The following PRELID2 variants were observed in gnomAD, a reference collection of about 807,000 sequenced individuals.
The protein encoded by PRELID2 is PRELI domain containing 2.
In PRELID2, 25 loss-of-function variants were observed where a neutral mutation model predicts 28.4. The observed-to-expected ratio is 0.88, with a 90% CI of 0.64 to 1.23. The LOEUF (loss-of-function observed/expected upper bound fraction) is 1.23. Ranked by LOEUF, PRELID2 falls within the 50% of genes most tolerant of loss-of-function variation. PRELID2 has a pLI of 0.00. For synonymous variants in PRELID2, 76 were observed against 71.6 expected (o/e 1.06, Z -0.31); for missense variants, 201 against 214.4 (o/e 0.94, Z 0.39).
chr5:145,548,328 G>C (rs183345483), intron 1 of PRELID2, among the ~76,000 whole-genome samples: 81 of 152,180 alleles, frequency 5.3e-4, no homozygotes, highest in Admixed American at 2.3e-3. Flanking sequence ...AGTCTAGATT[G>C]GTTAGCTGCC....
At chr5:145,518,084 T>C (rs927659229) in intron 1 of PRELID2, among the ~76,000 whole-genome samples, 2 of 151,556 alleles carry the variant, frequency 1.3e-5, no homozygotes, top group Non-Finnish European at 2.9e-5. Flanking sequence ...GGCACATGTA[T>C]CCCTATGTAA....
chr5:145,542,767 TTCTTTCTTTCTTTCTTTCTG>T (rs1447880753), intron 1 of PRELID2, among the ~76,000 whole-genome samples: 2 of 145,542 alleles, frequency 1.4e-5, no homozygotes, highest in African/African-American at 5.4e-5. Context: ...CTTTCTTTCT[TTCTTTCTTTCTTTCTTTCTG>T]TCTTTTTCTC....
intron 1 of PRELID2, among the ~76,000 whole-genome samples, chr5:145,626,181 G>A (rs1378564908): frequency 1.3e-5 from 2 of 151,948 alleles, no homozygotes; most frequent in African/African-American, 4.8e-5. Flanking sequence ...TAGACAAATG[G>A]GACTTAATTA....
chr5:145,244,699 A>T, the PRELID2 span, among the ~76,000 whole-genome samples: 1 of 152,140 alleles, frequency 6.6e-6, no homozygotes, highest in Non-Finnish European at 1.5e-5. Flanking sequence ...ATGAATTTAG[A>T]TAATATATTT....
chr5:145,470,392 T>C (rs1176010441), downstream of PRELID2, among the ~76,000 whole-genome samples: 2 of 152,154 alleles, frequency 1.3e-5, no homozygotes, highest in African/African-American at 4.8e-5. Context: ...GACAAATATC[T>C]TCAGGCCCAT....
chr5:145,727,335 C>T lies in PRELID2; in HGVS notation n.70+37596G>A, dbSNP rs536404761. On this transcript the variant is annotated intron_variant and non_coding_transcript_variant, in intron 1 of 2. Transcript: ENST00000510259. ...TATGCCCTGGGCTTAGATTATGGTG[C>T]GTCAGGGTAGCCTTCCACCCTTTAG... is the stretch of plus-strand genomic sequence containing the variant. Among the ~76,000 whole-genome samples, 7 of 152,236 alleles carry T rather than the reference C, an allele frequency of 4.6e-5. No individual in the cohort carries two copies. The South Asian group carries it at 6.2e-4, about 14-fold the overall frequency.
chr5:145,740,122 A>G (rs1265847051), intron 1 of PRELID2, among the ~76,000 whole-genome samples: 1 of 150,174 alleles, frequency 6.7e-6, no homozygotes, highest in African/African-American at 2.4e-5. Context: ...AGGCAGGTTG[A>G]AAGTAAAAAG....
Position 145,487,270 on chromosome 5 carries a change from G to A in PRELID2, n.71-13955C>T, listed in dbSNP as rs539501660. ...AAAAAAAAAGACTAAGTCGTCAGGG[G>A]GCCACAGTCTTTCTTCAGGCCACAG... On this transcript the variant is annotated intron_variant and non_coding_transcript_variant, in intron 1 of 2. Coordinates refer to the PRELID2 transcript ENST00000510259. Among the ~76,000 whole-genome samples the A allele has an allele frequency of 9.9e-5, 15 of 152,098 alleles. No individual in the cohort carries two copies. The South Asian group carries it at 2.9e-3, about 30-fold the overall frequency.
chr5:145,502,233 AAGAG>A (rs146035440), intron 1 of PRELID2, among the ~76,000 whole-genome samples: 2 of 151,002 alleles, frequency 1.3e-5, no homozygotes, highest in Non-Finnish European at 3.0e-5. Flanking sequence ...GAGCAGGAGG[AAGAG>A]AGAGAGAGAG....
intron 1 of PRELID2, among the ~76,000 whole-genome samples, chr5:145,500,633 T>A (rs1442616503): frequency 6.6e-6 from 1 of 152,152 alleles, no homozygotes; most frequent in Non-Finnish European, 1.5e-5. Flanking sequence ...TGGTTGCAAG[T>A]AACAGAAATT....
the PRELID2 span, among the ~76,000 whole-genome samples, chr5:145,311,381 G>T: frequency 3.3e-5 from 5 of 152,220 alleles, no homozygotes; most frequent in African/African-American, 1.2e-4. Context: ...TTGCTCTGCT[G>T]TCACCATCTT....
At chr5:145,396,084 G>A in the PRELID2 span, among the ~76,000 whole-genome samples, 4 of 152,106 alleles carry the variant, frequency 2.6e-5, no homozygotes, top group South Asian at 4.1e-4. Context: ...TATCAACCAC[G>A]TGATGTCCAC....
At chr5:145,740,805 A>G (rs1299347412) in intron 1 of PRELID2, among the ~76,000 whole-genome samples, 1 of 115,106 alleles carries the variant, frequency 8.7e-6, no homozygotes, top group Non-Finnish European at 1.6e-5. Flanking sequence ...ACATATATGT[A>G]TATACATTAT....
At chr5:145,806,730 GT>G (rs1753538293) in intron 4 of PRELID2, among the ~76,000 whole-genome samples, 1 of 152,152 alleles carries the variant, frequency 6.6e-6, no homozygotes, top group African/African-American at 2.4e-5. Context: ...CATGGGAGTG[GT>G]TTCCTCCATG....
At chr5:145,803,651 C>T (rs1451885482) in intron 4 of PRELID2, among the ~76,000 whole-genome samples, 1 of 151,430 alleles carries the variant, frequency 6.6e-6, no homozygotes, top group Non-Finnish European at 1.5e-5. Flanking sequence ...TGTGTAAGCA[C>T]CCAACAAATG....
chr5:145,655,748 T>C (rs978444968), intron 1 of PRELID2, among the ~76,000 whole-genome samples: 2 of 152,168 alleles, frequency 1.3e-5, no homozygotes, highest in African/African-American at 4.8e-5. Context: ...CAAAAATTAA[T>C]TCAAGATGCA....
At chr5:145,513,756 T>C (rs1015476611) in intron 1 of PRELID2, among the ~76,000 whole-genome samples, 5 of 152,250 alleles carry the variant, frequency 3.3e-5, no homozygotes, top group African/African-American at 1.2e-4. Context: ...GAATGTCGGG[T>C]TACTCACAAA....
chr5:145,778,401 G>A (rs573143234), intron 5 of PRELID2, among the ~76,000 whole-genome samples: 29 of 152,276 alleles, frequency 1.9e-4, no homozygotes, highest in African/African-American at 6.3e-4. Flanking sequence ...CCCTGGATGT[G>A]GAAAGGGGCT....
At chr5:145,595,539 C>T (rs949845271) in intron 1 of PRELID2, among the ~76,000 whole-genome samples, 1 of 152,144 alleles carries the variant, frequency 6.6e-6, no homozygotes, top group Non-Finnish European at 1.5e-5. Context: ...CCTCAGTGTG[C>T]CAGGCACTGG....
Sources: gnomAD v4.1 joint callset for allele counts (sites outside exome capture counted in the v4.1 genomes callset) on GRCh38, gnomAD v4.1.1 for gene constraint, MANE v1.5 for transcripts, NCBI Gene and HGNC (gene_info 2026-07-23, HGNC 2026-07-21) for gene names.